The following MTRFR variants were observed in gnomAD, a reference collection of about 807,000 sequenced individuals.
The protein encoded by MTRFR is mitochondrial translation release factor in rescue.
Under a neutral mutation model 11.9 loss-of-function variants are expected in MTRFR, and 10 were observed. The ratio of observed to expected loss-of-function variants is 0.84; its 90% CI spans 0.52 to 1.42. The LOEUF is 1.42. Among genes scored for constraint, MTRFR ranks in the 40% most tolerant of loss-of-function variants. MTRFR has a pLI of 0.00. For missense variants in MTRFR, 196 were observed against 197.9 expected (o/e 0.99, Z 0.06); for synonymous variants, 77 against 79.1 (o/e 0.97, Z 0.14).
At chr12:123,233,221 C>T (rs2047751697), upstream of MTRFR, 1 of 152,274 alleles carries the variant, frequency 6.6e-6, no homozygotes, top group African/African-American at 2.4e-5. Flanking sequence ...CGCGCGCGTC[C>T]ACCTCGCCGT....
At chr12:123,250,328 G>T (rs529391099) in intron 1 of MTRFR, 5 of 152,076 alleles carry the variant, frequency 3.3e-5, no homozygotes, top group African/African-American at 1.2e-4. Flanking sequence ...CCTTTCTCTG[G>T]TCCTTCCCTG....
At chr12:123,242,657 C>CA (rs1397755971) in intron 1 of MTRFR, among the ~76,000 whole-genome samples, 1 of 152,208 alleles carries the variant, frequency 6.6e-6, no homozygotes, top group Non-Finnish European at 1.5e-5. Context: ...TCTTGAACTC[C>CA]AGCTGGGTGG....
rs117259546 is a variant in MTRFR, at chr12:123,245,975, T to C, written c.-28-7672T>C. The stretch of plus-strand genomic sequence containing the variant: ...AGTGGTGAGAGTAGGAATTCTTGTC[T>C]TGTTCCAATTCTCAGGGGGAACAGT... On this transcript the variant is annotated intron_variant, in intron 1 of 2. Coordinates refer to ENST00000253233, the MANE Select transcript of MTRFR (RefSeq NM_152269.5). Among the ~76,000 whole-genome samples the C allele has an allele frequency of 8.0e-3, 1,222 of 152,328 alleles. 11 individuals carry two copies. The highest frequency in any genetic ancestry group is 0.014 in the Middle Eastern group (4 of 294).
intron 1 of MTRFR, among the ~76,000 whole-genome samples, chr12:123,237,194 C>T (rs914402489): frequency 2.0e-5 from 3 of 152,126 alleles, no homozygotes; most frequent in Non-Finnish European, 4.4e-5. Flanking sequence ...CTGTGGCTCA[C>T]GCCTGTAATC....
intron 1 of MTRFR, among the ~76,000 whole-genome samples, chr12:123,245,242 GC>G (rs1220094737): frequency 8.5e-5 from 13 of 152,226 alleles, no homozygotes; most frequent in African/African-American, 3.1e-4. Context: ...GGCCCTACGT[GC>G]CTATTTTTAT....
chr12:123,254,107 C>A, intron 2 of MTRFR, 151 bp downstream of exon 2: 1 of 858,968 alleles, frequency 1.2e-6, no homozygotes, highest in South Asian at 1.7e-5. Context: ...GAGAGCACCG[C>A]AGATCTCGTC....
chr12:123,253,356 C>T, intron 1 of MTRFR: 1 of 363,392 alleles, frequency 2.8e-6, no homozygotes. Context: ...ACACTCAAAA[C>T]CTCTCCTTTC....
At chr12:123,238,384 A>G (rs749763850) in intron 1 of MTRFR, among the ~76,000 whole-genome samples, 11 of 152,162 alleles carry the variant, frequency 7.2e-5, no homozygotes, top group Non-Finnish European at 1.5e-4. Flanking sequence ...TTTGAGACCT[A>G]TGGTTTCATC....
chr12:123,241,143 T>TG (rs1488302030), intron 1 of MTRFR, among the ~76,000 whole-genome samples: 84 of 128,682 alleles, frequency 6.5e-4, no homozygotes, highest in African/African-American at 1.9e-3. Flanking sequence ...TTGGGGTTGT[T>TG]TTTTTTTTGT....
chr12:123,244,658 A>C (rs1369803102), intron 1 of MTRFR, among the ~76,000 whole-genome samples: 2 of 152,056 alleles, frequency 1.3e-5, no homozygotes, highest in African/African-American at 4.8e-5. Flanking sequence ...TTTGAGACAG[A>C]GTCTCGCTCT....
At chr12:123,256,127 A>T (rs778598028) in intron 2 of MTRFR, among the ~76,000 whole-genome samples, 10 of 152,202 alleles carry the variant, frequency 6.6e-5, no homozygotes, top group Non-Finnish European at 1.0e-4. Flanking sequence ...CTGAGGCATT[A>T]CACAGTGAAT....
chr12:123,234,182 C>T (rs1046349798), intron 1 of MTRFR, among the ~76,000 whole-genome samples: 3 of 152,178 alleles, frequency 2.0e-5, no homozygotes, highest in Non-Finnish European at 4.4e-5. Context: ...CCACATTCTT[C>T]AGCATAGTTA....
chr12:123,233,491 T>G lies in MTRFR; in HGVS notation c.-69T>G, dbSNP rs2047763798. 6.6e-6 allele frequency: 1 copy of G among 152,198 alleles called. No homozygotes were observed. Among genetic ancestry groups the G allele is most frequent in the Non-Finnish European group, 1.5e-5 (1 of 68,040 alleles). 9.4% of individuals were successfully genotyped at this position (152,198 alleles called of 1,614,324 possible). ...ATCCTCCGCTGAGGTGATTTGGATA[T>G]CCCTAGAACGTTGAGGGCACGAGTC... On this transcript the variant is annotated 5_prime_UTR_variant, in exon 1 of 3. Transcript: ENST00000253233.
chr12:123,234,757 T>C (rs1011996837), intron 1 of MTRFR, among the ~76,000 whole-genome samples: 10 of 152,218 alleles, frequency 6.6e-5, no homozygotes, highest in South Asian at 2.1e-4. Context: ...TTATATTACA[T>C]AATTCCAAAA....
rs761365967 is a variant in MTRFR at position 123,253,895 on chromosome 12, C to T, written c.221C>T (p.Ala74Val). The change falls in exon 2 of 3, where the codon GCA becomes GTA. Residue 74 changes from alanine (A) to valine (V), a missense_variant. Coordinates refer to ENST00000253233, the MANE Select transcript of MTRFR (RefSeq NM_152269.5). ...AAAGGACACGGTCCAGGGGGCCAGGCAACCAACAAAACCAGCAACTGCGTG... is the reference window on the plus strand; with the variant it reads ...AAAGGACACGGTCCAGGGGGCCAGGTAACCAACAAAACCAGCAACTGCGTG... ...FVKGHGPGGQ[A>V]TNKTSNCVVL... is the part of the protein sequence containing the mutation. 2.5e-6 allele frequency: 4 copies of T among 1,614,216 alleles called. No homozygotes were observed. In the African/African-American group the frequency reaches 4.0e-5, roughly 16 times the overall value.
At chr12:123,256,276 G>A (rs961413717) in intron 2 of MTRFR, among the ~76,000 whole-genome samples, 5 of 152,122 alleles carry the variant, frequency 3.3e-5, no homozygotes, top group African/African-American at 7.2e-5. Flanking sequence ...ATTATTTTGC[G>A]ACTTTAAGTT....
At chr12:123,241,070 T>C (rs1325780027) in intron 1 of MTRFR, among the ~76,000 whole-genome samples, 1 of 151,898 alleles carries the variant, frequency 6.6e-6, no homozygotes, top group Non-Finnish European at 1.5e-5. Context: ...CCATCCTCTT[T>C]ACTTCTCTCC....
chr12:123,257,161 AATTT>A lies in MTRFR; in HGVS notation c.*136_*139del. On this transcript the variant is annotated 3_prime_UTR_variant, in exon 3 of 3. Coordinates refer to ENST00000253233, the MANE Select transcript of MTRFR (RefSeq NM_152269.5). ...TTTTTGATGAACTTAAAAGACAACA[AATTT>A]ATTTAAATGGTGCACTAAACTGTAG... 1.3e-6 allele frequency: 1 copy of A among 768,834 alleles called. No individual in the cohort carries two copies. The highest frequency in any genetic ancestry group is 1.7e-5 in the African/African-American group (1 of 57,220). The allele number at this position is 768,834 out of a possible 1,614,324, so 47.6% of individuals were successfully genotyped here.
chr12:123,255,868 C>T (rs946033937), intron 2 of MTRFR, among the ~76,000 whole-genome samples: 12 of 152,136 alleles, frequency 7.9e-5, no homozygotes, highest in African/African-American at 2.9e-4. Flanking sequence ...CTCAAGTGAT[C>T]CACCCATCTT....
Sources: allele counts gnomAD v4.1 joint callset (sites outside exome capture counted in the v4.1 genomes callset), GRCh38; gene constraint gnomAD v4.1.1; transcripts MANE v1.5; gene names NCBI Gene and HGNC (gene_info 2026-07-23, HGNC 2026-07-21).